Variants in SLC8A3 observed in about 807,000 individuals in gnomAD.
SLC8A3 encodes the protein solute carrier family 8 member A3, also known as sodium/calcium exchanger 3.
In SLC8A3, 37 loss-of-function variants were observed where a neutral mutation model predicts 65.4. The observed-to-expected ratio is 0.57, with a 90% CI of 0.44 to 0.74. The LOEUF (loss-of-function observed/expected upper bound fraction) is 0.74. SLC8A3 is among the 30% of genes least tolerant of loss of function. SLC8A3 has a pLI of 0.00. For synonymous variants in SLC8A3, 461 were observed against 444.5 expected (o/e 1.04, Z -0.47); for missense variants, 1,112 against 1,172.1 (o/e 0.95, Z 0.75).
chr14:70,137,000 T>C (rs1200776188), intron 2 of SLC8A3, among the ~76,000 whole-genome samples: 1 of 152,196 alleles, frequency 6.6e-6, no homozygotes, highest in East Asian at 1.9e-4. Context: ...GCATCTCCTA[T>C]GAAGTATAGA....
At chr14:70,058,472 A>T (rs1888411366) in intron 3 of SLC8A3, among the ~76,000 whole-genome samples, 1 of 152,206 alleles carries the variant, frequency 6.6e-6, no homozygotes, top group African/African-American at 2.4e-5. Flanking sequence ...GGCACTCTTC[A>T]TCTTGGCATC....
rs575972474 is a variant in SLC8A3 at position 70,174,644 on chromosome 14, C to T, written c.-62-6160G>A. On this transcript the variant is annotated intron_variant, in intron 1 of 6. Transcript: ENST00000356921. The stretch of plus-strand genomic sequence containing the variant: ...GGATTTACCAAAAAGCCCCTTGGAC[C>T]AAATCCGTTTTTTTTTTGTTTTTTT... Among the ~76,000 whole-genome samples the T allele has an allele frequency of 3.1e-5, 4 of 129,340 alleles. No homozygotes were observed. The South Asian group carries it at 1.1e-3, about 35-fold the overall frequency. The allele number at this position is 129,340 out of a possible 152,430, so 84.9% of individuals were successfully genotyped here.
At chr14:70,172,217 T>G (rs1897593203) in intron 1 of SLC8A3, among the ~76,000 whole-genome samples, 1 of 152,248 alleles carries the variant, frequency 6.6e-6, no homozygotes, top group Non-Finnish European at 1.5e-5. Flanking sequence ...TACAAGTGTT[T>G]ATTATTTGCA....
At chr14:70,105,974 C>T (rs1394310727) in intron 2 of SLC8A3, among the ~76,000 whole-genome samples, 12 of 151,374 alleles carry the variant, frequency 7.9e-5, no homozygotes, top group African/African-American at 2.5e-4. Context: ...ATATTAGAAG[C>T]TTTAGAAAGC....
In SLC8A3 at chr14:70,045,165, A is replaced by C. The variant is rs1425109437; in HGVS notation, c.*782T>G. On this transcript the variant is annotated 3_prime_UTR_variant, in exon 7 of 7. Transcript: ENST00000356921. ...TGACTTGATTCAACATAAGCATAAA[A>C]AGCTCCTCCTGCTCCAGTTGAAGCT... The C allele has an allele frequency of 6.6e-6, 1 of 152,116 alleles. No homozygotes were observed. Among genetic ancestry groups the C allele is most frequent in the Non-Finnish European group, 1.5e-5 (1 of 68,014 alleles). The allele number at this position is 152,116 out of a possible 1,614,324, so 9.4% of individuals were successfully genotyped here. A position where few individuals can be genotyped will look rare whatever the true frequency, so the allele number is the denominator to read the frequency against.
At chr14:70,056,455 T>C (rs978084326) in intron 3 of SLC8A3, among the ~76,000 whole-genome samples, 4 of 152,208 alleles carry the variant, frequency 2.6e-5, no homozygotes, top group Non-Finnish European at 5.9e-5. Flanking sequence ...CCTAAAAGAA[T>C]GACTTAGCAA....
chr14:70,103,546 A>G (rs1249163829), intron 2 of SLC8A3, among the ~76,000 whole-genome samples: 3 of 152,076 alleles, frequency 2.0e-5, no homozygotes, highest in Non-Finnish European at 4.4e-5. Flanking sequence ...GACTGCTGCA[A>G]GCTTCTTCTA....
intron 2 of SLC8A3, among the ~76,000 whole-genome samples, chr14:70,080,507 G>A (rs1594951162): frequency 6.6e-6 from 1 of 152,194 alleles, no homozygotes; most frequent in East Asian, 1.9e-4. Context: ...CCCAGACACA[G>A]CCTTAACTCC....
chr14:70,057,736 G>C (rs1441613648), intron 3 of SLC8A3, among the ~76,000 whole-genome samples: 1 of 152,126 alleles, frequency 6.6e-6, no homozygotes, highest in Non-Finnish European at 1.5e-5. Context: ...TGATCCCCTG[G>C]GTCAGGTGAG....
At chr14:70,115,360 C>A (rs982931710) in intron 2 of SLC8A3, among the ~76,000 whole-genome samples, 1 of 152,184 alleles carries the variant, frequency 6.6e-6, no homozygotes, top group Non-Finnish European at 1.5e-5. Flanking sequence ...AAGATGATTC[C>A]GGAGAGCAGC....
At chr14:70,052,769 A>G (rs889862980) in intron 3 of SLC8A3, among the ~76,000 whole-genome samples, 1 of 152,188 alleles carries the variant, frequency 6.6e-6, no homozygotes, top group Admixed American at 6.5e-5. Flanking sequence ...GCTCATTTAA[A>G]CATCTTCCCA....
intron 2 of SLC8A3, among the ~76,000 whole-genome samples, chr14:70,086,401 CTTTT>C (rs10605312): frequency 0.013 from 1,466 of 116,110 alleles, 14 homozygotes; most frequent in East Asian, 0.088. Flanking sequence ...TTTCTTTTTT[CTTTT>C]TTTTTTTTTT....
chr14:70,163,841 C>T (rs1897022493), intron 2 of SLC8A3, among the ~76,000 whole-genome samples: 1 of 152,150 alleles, frequency 6.6e-6, no homozygotes, highest in Non-Finnish European at 1.5e-5. Flanking sequence ...ATCTGCCCTT[C>T]AGTGAGATCC....
At chr14:70,170,619 T>C (rs1897465877) in intron 1 of SLC8A3, among the ~76,000 whole-genome samples, 1 of 152,232 alleles carries the variant, frequency 6.6e-6, no homozygotes, top group South Asian at 2.1e-4. Context: ...TGGAAATACA[T>C]ATACATTTCA....
intron 1 of SLC8A3, among the ~76,000 whole-genome samples, chr14:70,173,216 T>C (rs1211359100): frequency 6.6e-6 from 1 of 152,206 alleles, no homozygotes; most frequent in Admixed American, 6.5e-5. Context: ...AGGATGGCTG[T>C]AAGTGGGCAA....
intron 2 of SLC8A3, among the ~76,000 whole-genome samples, chr14:70,126,353 T>A (rs2140204483): frequency 6.6e-6 from 1 of 152,284 alleles, no homozygotes; most frequent in African/African-American, 2.4e-5. Context: ...TTGTGAAATG[T>A]GCTTGAAGAA....
At chr14:70,141,990 A>G (rs1007202122) in intron 2 of SLC8A3, among the ~76,000 whole-genome samples, 6 of 152,098 alleles carry the variant, frequency 3.9e-5, no homozygotes, top group Admixed American at 3.9e-4. Flanking sequence ...CCCTCTCACC[A>G]GTGACCAGAG....
intron 5 of SLC8A3, among the ~76,000 whole-genome samples, chr14:70,050,345 T>A (rs746760735): frequency 3.9e-5 from 6 of 152,168 alleles, no homozygotes; most frequent in Non-Finnish European, 8.8e-5. Context: ...TGGGTTGCTA[T>A]GACAACAAAG....
At chr14:70,118,773 G>A (rs113631650) in intron 2 of SLC8A3, among the ~76,000 whole-genome samples, 1,632 of 152,188 alleles carry the variant, frequency 0.011, 12 homozygotes, top group Non-Finnish European at 0.017. Context: ...ATGGAGTTTG[G>A]GATGTTCTGT....
Sources: gnomAD v4.1 joint callset for allele counts (sites outside exome capture counted in the v4.1 genomes callset) on GRCh38, gnomAD v4.1.1 for gene constraint, MANE v1.5 for transcripts, NCBI Gene and HGNC (gene_info 2026-07-23, HGNC 2026-07-21) for gene names.